The following SYNJ2 variants were observed in gnomAD, a reference collection of about 807,000 sequenced individuals.
The protein encoded by SYNJ2 is polyphosphatidylinositol phosphatase SYNJ2.
In SYNJ2, 116 loss-of-function variants were observed where a neutral mutation model predicts 141.3. That is an observed-to-expected ratio of 0.82 (90% CI 0.71 to 0.96). SYNJ2 has a LOEUF of 0.96. SYNJ2 is among the 40% of genes least tolerant of loss of function. SYNJ2 has a pLI of 0.00. For missense variants in SYNJ2, 1,873 were observed against 1,934.8 expected (o/e 0.97, Z 0.60); for synonymous variants, 745 against 777.7 (o/e 0.96, Z 0.70).
chr6:158,084,073 T>A lies in SYNJ2; in HGVS notation c.3107T>A (p.Leu1036His). The change falls in exon 22 of 27, where the codon CTC (leucine) becomes CAC (histidine). Residue 1036 changes from leucine (L) to histidine (H), a missense_variant. Coordinates refer to ENST00000355585, the MANE Select transcript of SYNJ2 (RefSeq NM_003898.4). The surrounding 1 kb of genome is among the most constrained non-coding windows in gnomAD (Gnocchi z 5.0). Reference sequence around the variant, plus strand: ...CAGCCTGGAGTCTCGGACAGTGAACTCGGGGGAGACGACCTCTCTGATGTC... The same window carrying A: ...CAGCCTGGAGTCTCGGACAGTGAACACGGGGGAGACGACCTCTCTGATGTC... ...FNQPGVSDSE[L>H]GGDDLSDVPG... 6.2e-7 allele frequency: 1 copy of A among 1,614,168 alleles called. No individual in the cohort carries two copies. Among genetic ancestry groups the A allele is most frequent in the Non-Finnish European group, 8.5e-7 (1 of 1,180,016 alleles).
Position 158,017,214 on chromosome 6 carries a change from AAAGG to A in SYNJ2, c.142_145del (p.Glu48SerfsTer19), listed in dbSNP as rs1401797653. 1.2e-6 allele frequency: 2 copies of A among 1,613,568 alleles called. No individual in the cohort carries two copies. The highest frequency in any genetic ancestry group is 1.6e-4 in the Middle Eastern group (1 of 6,062). On this transcript the variant is annotated frameshift_variant, in exon 2 of 27. Coordinates refer to ENST00000355585, the MANE Select transcript of SYNJ2 (RefSeq NM_003898.4). LOFTEE classifies it high-confidence loss of function. Reference sequence around the variant, plus strand: ...GTGTTTCTTCCCCAGCTCCAGAAGAAAAGGAAGTCATTAAAGGACAGTATGGCAA... The same window carrying A: ...GTGTTTCTTCCCCAGCTCCAGAAGAAAAGTCATTAAAGGACAGTATGGCAA...
At chr6:158,006,473 C>T (rs1583306640) in intron 1 of SYNJ2, among the ~76,000 whole-genome samples, 1 of 152,306 alleles carries the variant, frequency 6.6e-6, no homozygotes, top group East Asian at 1.9e-4. Flanking sequence ...CCTTGAAACG[C>T]TTTCTTCTCC....
At chr6:158,055,464 T>G (rs1780811545) in intron 6 of SYNJ2, among the ~76,000 whole-genome samples, 1 of 152,084 alleles carries the variant, frequency 6.6e-6, no homozygotes, top group South Asian at 2.1e-4. Flanking sequence ...CTATTAGTAG[T>G]TTTTTACATG....
At chr6:158,042,526 A>G (rs922066306) in intron 4 of SYNJ2, among the ~76,000 whole-genome samples, 2 of 152,234 alleles carry the variant, frequency 1.3e-5, no homozygotes, top group African/African-American at 2.4e-5. Flanking sequence ...CCCGCATCTG[A>G]TAAGTGTCGC....
chr6:157,981,464 G>T (rs1340869909), upstream of SYNJ2, among the ~76,000 whole-genome samples: 1 of 152,234 alleles, frequency 6.6e-6, no homozygotes, highest in Non-Finnish European at 1.5e-5. The surrounding 1 kb of genome is among the most constrained non-coding windows in gnomAD (Gnocchi z 6.4). Flanking sequence ...ACTCGTCCAG[G>T]GTCGCAGGAG....
In SYNJ2 at chr6:157,994,969, C is replaced by T. The variant is rs562031099; in HGVS notation, c.127+12881C>T. Reference sequence around the variant, plus strand: ...CTGTGGCTCTGTGTGTCTGAATCTACGGCATGGGGGCACTTCCTTCTAATT... The same window carrying T: ...CTGTGGCTCTGTGTGTCTGAATCTATGGCATGGGGGCACTTCCTTCTAATT... On this transcript the variant is annotated intron_variant, in intron 1 of 26. Coordinates refer to ENST00000355585, the MANE Select transcript of SYNJ2 (RefSeq NM_003898.4). 7.2e-5 allele frequency among the ~76,000 whole-genome samples: 11 copies of T among 152,320 alleles called. No individual in the cohort carries two copies. In the South Asian group the frequency reaches 1.7e-3, roughly 23 times the overall value.
At chr6:158,052,202 C>T (rs1780607732) in intron 5 of SYNJ2, among the ~76,000 whole-genome samples, 1 of 152,128 alleles carries the variant, frequency 6.6e-6, no homozygotes, top group South Asian at 2.1e-4. Context: ...AGAAGCAAAA[C>T]TAAAGAGTGC....
chr6:158,003,011 T>G (rs1370945685), intron 1 of SYNJ2, among the ~76,000 whole-genome samples: 1 of 152,198 alleles, frequency 6.6e-6, no homozygotes, highest in Non-Finnish European at 1.5e-5. Context: ...CACAGCTCAG[T>G]GCAGGGAGGG....
chr6:158,040,789 C>T lies in SYNJ2; in HGVS notation c.712-2527C>T, dbSNP rs1288408969. Among the ~76,000 whole-genome samples, 1 of 152,206 alleles carries T rather than the reference C, an allele frequency of 6.6e-6. No individual in the cohort carries two copies. Among genetic ancestry groups the T allele is most frequent in the African/African-American group, 2.4e-5 (1 of 41,454 alleles). ...GTTTCTGTTCCCACTGCTCTGGAAGCGTCACTCAGGGTCACCCTCTGGCTG... is the reference window on the plus strand; with the variant it reads ...GTTTCTGTTCCCACTGCTCTGGAAGTGTCACTCAGGGTCACCCTCTGGCTG... On this transcript the variant is annotated intron_variant, in intron 4 of 26. Coordinates refer to ENST00000355585, the MANE Select transcript of SYNJ2 (RefSeq NM_003898.4). This position sits in a 1 kb window ranked among gnomAD's most constrained non-coding sequence, Gnocchi z 4.2.
At chr6:158,021,069 T>G (rs1778743707) in intron 2 of SYNJ2, among the ~76,000 whole-genome samples, 1 of 152,154 alleles carries the variant, frequency 6.6e-6, no homozygotes, top group Admixed American at 6.5e-5. Flanking sequence ...GCATATTAAG[T>G]GAGAATGTAG....
At chr6:158,023,271 A>G (rs1331923794) in intron 2 of SYNJ2, among the ~76,000 whole-genome samples, 1 of 151,860 alleles carries the variant, frequency 6.6e-6, no homozygotes, top group African/African-American at 2.4e-5. Context: ...ATTTAAAAAA[A>G]AAAAAAAAAG....
At chr6:158,094,394 CAAAAAAAAAAAAAA>C (rs532980446) in intron 26 of SYNJ2, among the ~76,000 whole-genome samples, 1 of 72,948 alleles carries the variant, frequency 1.4e-5, no homozygotes, top group Non-Finnish European at 2.5e-5. Context: ...TACGGCTGGG[CAAAAAAAAAAAAAA>C]AAAAAAAAAA....
At position 158,043,488 on chromosome 6, in the gene SYNJ2, G is replaced by A. The variant is rs1780065099; in HGVS notation, c.795+89G>A. On this transcript the variant is annotated intron_variant, in intron 5 of 26. Transcript: ENST00000355585. The surrounding 1 kb of genome is among the most constrained non-coding windows in gnomAD (Gnocchi z 4.0). Reference sequence around the variant, plus strand: ...AGCTGGGGAAGATTTCTTTTAACACGTTCGTTTCATGGCATAGTTTCCAGT... The same window carrying A: ...AGCTGGGGAAGATTTCTTTTAACACATTCGTTTCATGGCATAGTTTCCAGT... 7 of 952,800 alleles carry A rather than the reference G, an allele frequency of 7.3e-6. No homozygotes were observed. The highest frequency in any genetic ancestry group is 9.8e-6 in the Non-Finnish European group (6 of 613,984). 59.0% of individuals were successfully genotyped at this position (952,800 alleles called of 1,614,324 possible).
At chr6:158,077,502 C>T (rs895792338) in intron 17 of SYNJ2, among the ~76,000 whole-genome samples, 4 of 152,142 alleles carry the variant, frequency 2.6e-5, no homozygotes, top group African/African-American at 9.6e-5. Context: ...CTGCTTAAAG[C>T]CCTAATTCCA....
At chr6:158,060,135 C>A (rs1781124163) in intron 7 of SYNJ2, among the ~76,000 whole-genome samples, 1 of 152,200 alleles carries the variant, frequency 6.6e-6, no homozygotes, top group Non-Finnish European at 1.5e-5. Flanking sequence ...GCCGGCTGGC[C>A]TTCAAATTTC....
intron 2 of SYNJ2, among the ~76,000 whole-genome samples, chr6:158,023,946 C>G (rs1562332307): frequency 1.3e-5 from 2 of 152,322 alleles, no homozygotes; most frequent in East Asian, 3.9e-4. Context: ...AGTGACATTT[C>G]TACAATGAAG....
Position 158,028,742 on chromosome 6 carries a change from G to A in SYNJ2, c.215-14G>A, listed in dbSNP as rs1779195762. 1.1e-5 allele frequency: 18 copies of A among 1,612,892 alleles called. No individual in the cohort carries two copies. Among genetic ancestry groups the A allele is most frequent in the Non-Finnish European group, 1.5e-5 (18 of 1,179,150 alleles). ...ACTTCGACCCTGAGCTCTCCTGTCT[G>A]ATTTCCTTTCCAGGTGGCACGTCTC... On this transcript the variant is annotated splice_polypyrimidine_tract_variant and intron_variant, in intron 2 of 26. Coordinates refer to ENST00000355585, the MANE Select transcript of SYNJ2 (RefSeq NM_003898.4).
At chr6:158,028,452 C>A in intron 2 of SYNJ2, 1 of 431,580 alleles carries the variant, frequency 2.3e-6, no homozygotes, top group Non-Finnish European at 4.2e-6. Flanking sequence ...ACCTGGAGGG[C>A]TTGTTAAAGC....
intron 18 of SYNJ2, among the ~76,000 whole-genome samples, chr6:158,080,810 C>G (rs1782629893): frequency 1.3e-5 from 2 of 152,182 alleles, no homozygotes; most frequent in Admixed American, 1.3e-4. Context: ...CTTTAAGGTG[C>G]CACACTTTAT....
Sources: gnomAD v4.1 joint callset for allele counts (sites outside exome capture counted in the v4.1 genomes callset) on GRCh38, gnomAD v4.1.1 for gene constraint, Gnocchi (gnomAD v3.1) non-coding constraint, MANE v1.5 for transcripts, NCBI Gene and HGNC (gene_info 2026-07-23, HGNC 2026-07-21) for gene names.